TMEM165: variants seen among roughly 807,000 people sequenced by gnomAD.
TMEM165 encodes the protein transmembrane protein 165, also known as putative divalent cation/proton antiporter TMEM165.
Under a neutral mutation model 30.0 loss-of-function variants are expected in TMEM165, and 19 were observed. The ratio of observed to expected loss-of-function variants is 0.63; its 90% CI spans 0.44 to 0.93. TMEM165 has a LOEUF of 0.93. TMEM165 is among the 40% of genes least tolerant of loss of function. TMEM165 has a pLI of 0.00. For missense variants in TMEM165, 340 were observed against 417.0 expected (o/e 0.82, Z 1.61); for synonymous variants, 168 against 162.9 (o/e 1.03, Z -0.24).
chr4:55,430,596 T>C (rs1056547), downstream of TMEM165: 1 of 152,004 alleles, frequency 6.6e-6, no homozygotes, highest in Non-Finnish European at 1.5e-5. Context: ...AACCAAAGTA[T>C]TCTTTTTCTC....
intron 3 of TMEM165, chr4:55,448,685 T>G: frequency 2.2e-6 from 2 of 909,208 alleles, no homozygotes; most frequent in Middle Eastern, 2.3e-4. Context: ...CTACAGGTGC[T>G]TGCCAGCAAG....
At chr4:55,442,526 C>A in intron 3 of TMEM165, 2 of 1,609,766 alleles carry the variant, frequency 1.2e-6, no homozygotes, top group Non-Finnish European at 1.7e-6. Context: ...CTTCCGGCTG[C>A]AGGCTGAGAA....
In TMEM165 at chr4:55,435,552, G is replaced by C. The variant is rs760839618; in HGVS notation, c.408+10909G>C. 1.9e-6 allele frequency: 3 copies of C among 1,614,050 alleles called. No homozygotes were observed. In the Admixed American group the frequency reaches 5.0e-5, roughly 27 times the overall value. ...TGTTGTAGAGGAAATGCAGCAGAGA[G>C]AATGAGTTGAGTTGAGGGATTCCCA... On this transcript the variant is annotated intron_variant, in intron 3 of 3. Coordinates refer to the TMEM165 transcript ENST00000608091.
At chr4:55,424,304 C>T in intron 4 of TMEM165, 1 of 492,738 alleles carries the variant, frequency 2.0e-6, no homozygotes, top group Non-Finnish European at 3.6e-6. Context: ...ATTTGTTTGA[C>T]TTTACAAATT....
At chr4:55,438,267 C>T (rs1247097338) in intron 3 of TMEM165, 2 of 1,613,966 alleles carry the variant, frequency 1.2e-6, no homozygotes, top group Non-Finnish European at 1.7e-6. Flanking sequence ...GCAGCTTCCC[C>T]ATGGGGAGAA....
chr4:55,415,166 A>G (rs1252265524), intron 2 of TMEM165: 1 of 152,224 alleles, frequency 6.6e-6, no homozygotes, highest in Non-Finnish European at 1.5e-5. Context: ...CTTCTTGCAT[A>G]TTCACCAGTG....
At position 55,400,841 on chromosome 4, in the gene TMEM165, A is replaced by G. The variant is rs557890093; in HGVS notation, c.207+4445A>G. 5.3e-5 allele frequency among the ~76,000 whole-genome samples: 8 copies of G among 150,834 alleles called. 1 individual carries two copies. Among genetic ancestry groups the G allele is most frequent in the African/African-American group, 7.5e-5 (3 of 40,166 alleles). On this transcript the variant is annotated intron_variant, in intron 1 of 5. Coordinates refer to ENST00000381334, the MANE Select transcript of TMEM165 (RefSeq NM_018475.5). ...CTTTCACATGTTTTCTAAACTATGT[A>G]ATATAAGTGTCATTGGCTATTTTTG... is the stretch of plus-strand genomic sequence containing the variant.
intron 4 of TMEM165, among the ~76,000 whole-genome samples, chr4:55,421,559 A>G (rs1721977368): frequency 6.6e-6 from 1 of 152,084 alleles, no homozygotes; most frequent in South Asian, 2.1e-4. Context: ...TGGCCTCCCA[A>G]AGTGCTGAGA....
intron 3 of TMEM165, chr4:55,450,092 G>A (rs1021759630): frequency 6.2e-7 from 1 of 1,614,008 alleles, no homozygotes. Context: ...GGTACTCACA[G>A]GAAGGGTCTG....
chr4:55,451,836 C>T (rs184487095), intron 3 of TMEM165, among the ~76,000 whole-genome samples: 1 of 152,236 alleles, frequency 6.6e-6, no homozygotes, highest in African/African-American at 2.4e-5. Flanking sequence ...AGTTCTTTCA[C>T]GTGGGATCCA....
At position 55,396,320 on chromosome 4, in the gene TMEM165, A is replaced by G. The variant is rs1369729153; in HGVS notation, c.131A>G (p.Lys44Arg). Residue 44 changes from lysine to arginine, a missense_variant, in exon 1 of 6, where the codon AAA (lysine) becomes AGA (arginine). Transcript: ENST00000381334. ...GPDEDLSHRN[K>R]EPPAPAQQLQ... is the part of the protein sequence containing the mutation. ...GATGAAGACCTTAGCCACCGGAACAAAGAACCGCCGGCGCCGGCCCAGCAG... is the reference window on the plus strand; with the variant it reads ...GATGAAGACCTTAGCCACCGGAACAGAGAACCGCCGGCGCCGGCCCAGCAG... 22 of 1,522,668 alleles carry G rather than the reference A, an allele frequency of 1.4e-5. No homozygotes were observed. The highest frequency in any genetic ancestry group is 2.4e-5 in the South Asian group (2 of 81,880). 94.3% of individuals were successfully genotyped at this position (1,522,668 alleles called of 1,614,324 possible).
At chr4:55,438,078 GCA>G (rs1296425445) in intron 3 of TMEM165, among the ~76,000 whole-genome samples, 2 of 152,128 alleles carry the variant, frequency 1.3e-5, no homozygotes, top group Non-Finnish European at 2.9e-5. Context: ...ATGCCCAATG[GCA>G]CGTCTAAAGT....
intron 2 of TMEM165, chr4:55,415,410 G>C (rs1449059797): frequency 1.3e-5 from 2 of 152,048 alleles, no homozygotes; most frequent in African/African-American, 2.4e-5. Flanking sequence ...AGTACAACAA[G>C]ATATTACAGG....
At chr4:55,448,447 GAT>G (rs1348267725) in intron 3 of TMEM165, among the ~76,000 whole-genome samples, 11 of 152,136 alleles carry the variant, frequency 7.2e-5, no homozygotes. Context: ...CATCCTGAAA[GAT>G]ATTTAGTATT....
intron 3 of TMEM165, among the ~76,000 whole-genome samples, chr4:55,440,217 C>A (rs1267205716): frequency 6.6e-6 from 1 of 152,046 alleles, no homozygotes; most frequent in Non-Finnish European, 1.5e-5. Context: ...AAATTTAATT[C>A]AAAACCAAAT....
chr4:55,448,780 T>A, intron 3 of TMEM165: 1 of 1,613,052 alleles, frequency 6.2e-7, no homozygotes, highest in East Asian at 2.2e-5. Context: ...AAAAAGTACC[T>A]GGGACATGCC....
At chr4:55,416,733 C>G (rs1721745432) in intron 2 of TMEM165, among the ~76,000 whole-genome samples, 1 of 152,104 alleles carries the variant, frequency 6.6e-6, no homozygotes, top group South Asian at 2.1e-4. Flanking sequence ...AACTTCTACC[C>G]CAGGTACTGT....
chr4:55,438,431 A>G, intron 3 of TMEM165: 2 of 1,613,910 alleles, frequency 1.2e-6, no homozygotes, highest in Non-Finnish European at 1.7e-6. Flanking sequence ...AAAGTAGGAT[A>G]TGCAGTCACC....
chr4:55,409,130 T>C (rs2109537876), intron 1 of TMEM165, among the ~76,000 whole-genome samples: 1 of 152,272 alleles, frequency 6.6e-6, no homozygotes, highest in Middle Eastern at 3.4e-3. Flanking sequence ...GATACTTGCT[T>C]AATTAATTAA....
Sources: gnomAD v4.1 joint callset for allele counts (sites outside exome capture counted in the v4.1 genomes callset) on GRCh38, gnomAD v4.1.1 for gene constraint, MANE v1.5 for transcripts, NCBI Gene and HGNC (gene_info 2026-07-23, HGNC 2026-07-21) for gene names.